HDAC9: variants seen among roughly 807,000 people sequenced by gnomAD.
HDAC9 encodes histone deacetylase 9.
Under a neutral mutation model 139.4 loss-of-function variants are expected in HDAC9, and 41 were observed. That is an observed-to-expected ratio of 0.29 (90% CI 0.23 to 0.38). HDAC9 has a LOEUF of 0.38. Among genes scored for constraint, HDAC9 ranks in the 10% least tolerant of loss-of-function variants. The pLI, the probability that HDAC9 is intolerant of heterozygous loss-of-function variation, is 1.00. For synonymous variants in HDAC9, 517 were observed against 476.2 expected (o/e 1.09, Z -1.12); for missense variants, 1,147 against 1,297.0 (o/e 0.88, Z 1.78).
At chr7:18,749,278 G>T (rs1788244448) in intron 14 of HDAC9, 140 bp downstream of exon 14, 1 of 936,848 alleles carries the variant, frequency 1.1e-6, no homozygotes, top group African/African-American at 1.7e-5. Flanking sequence ...GATTCAGGTA[G>T]CACAGAGCTT....
intron 21 of HDAC9, among the ~76,000 whole-genome samples, chr7:18,858,731 C>A (rs1261151152): frequency 1.3e-5 from 2 of 152,110 alleles, no homozygotes; most frequent in Non-Finnish European, 2.9e-5. Flanking sequence ...ATCATGTCAC[C>A]ATGGAAATTT....
At chr7:18,734,722 C>G (rs1172578269) in intron 13 of HDAC9, among the ~76,000 whole-genome samples, 1 of 152,152 alleles carries the variant, frequency 6.6e-6, no homozygotes, top group African/African-American at 2.4e-5. Context: ...TTTATAGTAG[C>G]ATGATTTATA....
At chr7:18,111,086 G>T (rs1232038177) in intron 1 of HDAC9, among the ~76,000 whole-genome samples, 1 of 152,180 alleles carries the variant, frequency 6.6e-6, no homozygotes, top group African/African-American at 2.4e-5. Flanking sequence ...CAATGTGTTT[G>T]ACTCTGAGGA....
At chr7:18,973,516 A>T (rs1225682533) in intron 24 of HDAC9, among the ~76,000 whole-genome samples, 1 of 152,212 alleles carries the variant, frequency 6.6e-6, no homozygotes, top group Non-Finnish European at 1.5e-5. Context: ...CCATGTCAAC[A>T]GGTCTTGTTG....
intron 12 of HDAC9, among the ~76,000 whole-genome samples, chr7:18,703,142 A>C (rs1305156589): frequency 3.3e-5 from 5 of 152,194 alleles, no homozygotes; most frequent in Non-Finnish European, 7.3e-5. Context: ...ATCAAAAAAA[A>C]CAGATACACT....
At chr7:18,975,299 A>G (rs1784482376) in intron 24 of HDAC9, among the ~76,000 whole-genome samples, 1 of 152,246 alleles carries the variant, frequency 6.6e-6, no homozygotes, top group Non-Finnish European at 1.5e-5. Flanking sequence ...AGGACTAACA[A>G]ACCTGATTGT....
At chr7:18,435,142 A>C (rs966902548) in intron 1 of HDAC9, among the ~76,000 whole-genome samples, 2 of 151,912 alleles carry the variant, frequency 1.3e-5, no homozygotes, top group African/African-American at 4.8e-5. Flanking sequence ...TCCTAAGTGA[A>C]CTAATGCAGG....
intron 1 of HDAC9, among the ~76,000 whole-genome samples, chr7:18,353,948 G>A (rs1487060055): frequency 6.6e-6 from 1 of 152,084 alleles, no homozygotes. Context: ...AGTGTGACCT[G>A]TTTCACCTTC....
intron 23 of HDAC9, among the ~76,000 whole-genome samples, chr7:18,945,957 A>G (rs1319702369): frequency 6.9e-6 from 1 of 143,994 alleles, no homozygotes; most frequent in East Asian, 2.2e-4. Context: ...GAATCGGTTG[A>G]ACCCAGGAGG....
intron 1 of HDAC9, among the ~76,000 whole-genome samples, chr7:18,453,318 A>T (rs138417036): frequency 6.9e-4 from 105 of 152,246 alleles, no homozygotes; most frequent in African/African-American, 2.2e-3. Flanking sequence ...AGCATTGATT[A>T]AAAAAAGTGG....
At chr7:18,154,350 C>A (rs1352846274) in intron 1 of HDAC9, among the ~76,000 whole-genome samples, 4 of 152,164 alleles carry the variant, frequency 2.6e-5, no homozygotes, top group African/African-American at 9.7e-5. Flanking sequence ...TAGATACCTG[C>A]TGTAACCCTA....
intron 22 of HDAC9, among the ~76,000 whole-genome samples, chr7:18,935,548 T>C (rs1360443700): frequency 6.6e-6 from 1 of 152,172 alleles, no homozygotes; most frequent in Admixed American, 6.5e-5. Context: ...AAAGCAGCCC[T>C]GTGCACTGGT....
At chr7:18,631,221 T>A (rs1782230054) in intron 7 of HDAC9, among the ~76,000 whole-genome samples, 1 of 152,158 alleles carries the variant, frequency 6.6e-6, no homozygotes, top group South Asian at 2.1e-4. Context: ...AATATATTTC[T>A]CTTCTTAATT....
At chr7:18,926,581 G>T (rs370068805) in intron 22 of HDAC9, among the ~76,000 whole-genome samples, 3 of 152,102 alleles carry the variant, frequency 2.0e-5, no homozygotes, top group East Asian at 1.9e-4. Context: ...GCACAGAGTA[G>T]GTATTTTGTA....
chr7:18,305,236 G>C (rs1300495007), intron 1 of HDAC9, among the ~76,000 whole-genome samples: 1 of 152,034 alleles, frequency 6.6e-6, no homozygotes, highest in Non-Finnish European at 1.5e-5. Flanking sequence ...CTTCACTCTT[G>C]ATGATAAGTG....
chr7:18,905,484 T>G (rs1802150813), intron 22 of HDAC9, among the ~76,000 whole-genome samples: 1 of 152,242 alleles, frequency 6.6e-6, no homozygotes, highest in East Asian at 1.9e-4. Flanking sequence ...ACTTATAGTT[T>G]CTTGAATGTT....
Position 18,743,009 on chromosome 7 carries a change from T to C in HDAC9, c.1910-5996T>C, listed in dbSNP as rs575529921. On this transcript the variant is annotated intron_variant, in intron 13 of 25. Transcript: ENST00000686413. ...TTATTTTGCTTCCTATAGTAAATCATGTTCACTGAACGAAGCAGTATGAAT... is the reference window on the plus strand; with the variant it reads ...TTATTTTGCTTCCTATAGTAAATCACGTTCACTGAACGAAGCAGTATGAAT... Among the ~76,000 whole-genome samples the C allele has an allele frequency of 5.9e-5, 9 of 152,366 alleles. No homozygotes were observed. In the East Asian group the frequency reaches 1.5e-3, roughly 26 times the overall value.
intron 10 of HDAC9, 32 bp from the exon 11 acceptor site, chr7:18,648,434 A>C: frequency 7.6e-7 from 1 of 1,315,936 alleles, no homozygotes; most frequent in Non-Finnish European, 1.1e-6. Context: ...GTGTGTGTGT[A>C]TACACACATA....
At chr7:18,247,989 T>G (rs1284576837) in intron 2 of HDAC9, among the ~76,000 whole-genome samples, 1 of 152,142 alleles carries the variant, frequency 6.6e-6, no homozygotes, top group South Asian at 2.1e-4. Flanking sequence ...TTTGAAGTCA[T>G]GGGGAGAATA....
Sources: gnomAD v4.1 joint callset for allele counts (sites outside exome capture counted in the v4.1 genomes callset) on GRCh38, gnomAD v4.1.1 for gene constraint, MANE v1.5 for transcripts, NCBI Gene and HGNC (gene_info 2026-07-23, HGNC 2026-07-21) for gene names.